Variants in AGAP1 observed in about 807,000 individuals in gnomAD.
AGAP1 encodes the protein ArfGAP with GTPase domain, ankyrin repeat and PH domain 1.
Under a neutral mutation model 105.3 loss-of-function variants are expected in AGAP1, and 29 were observed. That is an observed-to-expected ratio of 0.28 (90% CI 0.21 to 0.38). The LOEUF is 0.38. Among genes scored for constraint, AGAP1 ranks in the 10% least tolerant of loss-of-function variants. The probability of loss-of-function intolerance (pLI) is 1.00; values close to 1 mark genes in which losing one functional copy is unlikely to be tolerated. For missense variants in AGAP1, 998 were observed against 1,165.1 expected (o/e 0.86, Z 2.09); for synonymous variants, 509 against 485.9 (o/e 1.05, Z -0.63).
rs2059074478 is a variant in AGAP1, at chr2:236,092,065, A to G, written c.2115-28127A>G. On this transcript the variant is annotated intron_variant, in intron 16 of 17. Transcript: ENST00000304032. The surrounding 1 kb of genome is among the most constrained non-coding windows in gnomAD (Gnocchi z 4.7). ...ATTCCATTTATGTATCACTGTTGATATTACAGAATTACGGAGCTAGAGAAC... is the reference window on the plus strand; with the variant it reads ...ATTCCATTTATGTATCACTGTTGATGTTACAGAATTACGGAGCTAGAGAAC... Among the ~76,000 whole-genome samples the G allele has an allele frequency of 6.6e-6, 1 of 152,226 alleles. No individual in the cohort carries two copies. The highest frequency in any genetic ancestry group is 2.4e-5 in the African/African-American group (1 of 41,470).
Position 235,788,259 on chromosome 2 carries a change from G to A in AGAP1, c.674-9500G>A, listed in dbSNP as rs1307302767. On this transcript the variant is annotated intron_variant, in intron 6 of 17. Coordinates refer to ENST00000304032, the MANE Select transcript of AGAP1 (RefSeq NM_001037131.3). The surrounding 1 kb of genome is among the most constrained non-coding windows in gnomAD (Gnocchi z 6.0). Reference sequence around the variant, plus strand: ...TCCAGACACAGCTTAATTCCTTCACGCTGGAGTATGACTTGGATGTACAAA... The same window carrying A: ...TCCAGACACAGCTTAATTCCTTCACACTGGAGTATGACTTGGATGTACAAA... Among the ~76,000 whole-genome samples, 3 of 152,136 alleles carry A rather than the reference G, an allele frequency of 2.0e-5. No homozygotes were observed. The highest frequency in any genetic ancestry group is 7.2e-5 in the African/African-American group (3 of 41,404).
rs1390303432 is a variant in AGAP1 at position 235,845,980 on chromosome 2, C to T, written c.1051-37365C>T. On this transcript the variant is annotated intron_variant, in intron 9 of 17. Coordinates refer to ENST00000304032, the MANE Select transcript of AGAP1 (RefSeq NM_001037131.3). This position sits in a 1 kb window ranked among gnomAD's most constrained non-coding sequence, Gnocchi z 4.8. ...ACAGGGTTGAAATCTTTCCCAGGCC[C>T]TCCAGACCTCCTGGATGAGGCTTAA... Among the ~76,000 whole-genome samples the T allele has an allele frequency of 6.6e-6, 1 of 152,000 alleles. No individual in the cohort carries two copies. The highest frequency in any genetic ancestry group is 2.4e-5 in the African/African-American group (1 of 41,374).
At chr2:236,084,569 G>GA (rs2058874196) in intron 16 of AGAP1, among the ~76,000 whole-genome samples, 1 of 152,126 alleles carries the variant, frequency 6.6e-6, no homozygotes, top group African/African-American at 2.4e-5. Flanking sequence ...TTGAAACCTT[G>GA]AAACAAATCT....
At chr2:235,538,693 C>CT (rs1362487446) in intron 1 of AGAP1, among the ~76,000 whole-genome samples, 2 of 152,060 alleles carry the variant, frequency 1.3e-5, no homozygotes, top group African/African-American at 4.8e-5. Context: ...CTTGTAGAGC[C>CT]TCCCGTTCCC....
At chr2:235,710,187 C>T (rs1265111855) in intron 2 of AGAP1, among the ~76,000 whole-genome samples, 1 of 152,184 alleles carries the variant, frequency 6.6e-6, no homozygotes, top group African/African-American at 2.4e-5. Flanking sequence ...GGACTCCTCC[C>T]CACTGACCCC....
intron 6 of AGAP1, among the ~76,000 whole-genome samples, chr2:235,784,984 CA>C (rs746347693): frequency 6.6e-5 from 10 of 152,332 alleles, no homozygotes; most frequent in Non-Finnish European, 1.3e-4. Flanking sequence ...CTAATTGCAT[CA>C]CAATACATTG....
chr2:236,096,483 A>G lies in AGAP1; in HGVS notation c.2115-23709A>G, dbSNP rs2059194179. 6.6e-6 allele frequency among the ~76,000 whole-genome samples: 1 copy of G among 151,352 alleles called. No individual in the cohort carries two copies. Among genetic ancestry groups the G allele is most frequent in the Non-Finnish European group, 1.5e-5 (1 of 67,856 alleles). ...ACCACTGCACTCCAGCCTTGGGGAC[A>G]GAGTGAGCCTCCATCTCAAAAAAAA... On this transcript the variant is annotated intron_variant, in intron 16 of 17. Transcript: ENST00000304032. The surrounding 1 kb of genome is among the most constrained non-coding windows in gnomAD (Gnocchi z 4.4).
intron 12 of AGAP1, among the ~76,000 whole-genome samples, chr2:235,948,687 A>G (rs11685511): frequency 0.054 from 8,218 of 152,088 alleles, 755 homozygotes; most frequent in African/African-American, 0.19. Context: ...ATAGAGAAGG[A>G]TGGGCAGAGG....
chr2:235,947,638 C>G (rs184418704), intron 12 of AGAP1, among the ~76,000 whole-genome samples: 17 of 152,250 alleles, frequency 1.1e-4, no homozygotes, highest in African/African-American at 4.1e-4. Context: ...TCATCTCCCC[C>G]CGACCAGAAT....
At position 235,976,761 on chromosome 2, in the gene AGAP1, G is replaced by A. The variant is rs145093113; in HGVS notation, c.1645+8138G>A. ...AGCACAGGGCACCCCCAGCTGCCTG[G>A]AGGACCTCAGGGAGGTTCCCCAAAG... On this transcript the variant is annotated intron_variant, in intron 13 of 17. Transcript: ENST00000304032. This position sits in a 1 kb window ranked among gnomAD's most constrained non-coding sequence, Gnocchi z 4.5. Among the ~76,000 whole-genome samples the A allele has an allele frequency of 6.8e-3, 1,041 of 152,246 alleles. 11 individuals carry two copies. The highest frequency in any genetic ancestry group is 0.024 in the African/African-American group (1,001 of 41,526).
intron 3 of AGAP1, among the ~76,000 whole-genome samples, chr2:235,731,468 T>C (rs1951942557): frequency 6.6e-6 from 1 of 152,186 alleles, no homozygotes; most frequent in Non-Finnish European, 1.5e-5. Flanking sequence ...GGAAAAGACG[T>C]ATCCTGGATC....
chr2:236,004,754 A>C (rs538665576), intron 13 of AGAP1, among the ~76,000 whole-genome samples: 6 of 152,218 alleles, frequency 3.9e-5, no homozygotes, highest in African/African-American at 9.6e-5. Context: ...TCGAGTTGTT[A>C]AGCAGTTTAG....
At chr2:235,756,823 G>A (rs542161753) in intron 6 of AGAP1, among the ~76,000 whole-genome samples, 4 of 152,096 alleles carry the variant, frequency 2.6e-5, no homozygotes, top group Non-Finnish European at 4.4e-5. Flanking sequence ...AATGCCTGAC[G>A]AGCTGAGGTG....
Position 235,622,281 on chromosome 2 carries a change from T to G in AGAP1, c.164-86898T>G, listed in dbSNP as rs537660355. Reference sequence around the variant, plus strand: ...CACACCAGCCCTCCTGCTGGCTTTGTAGAATGCTCACAGTGGAATAGACTG... The same window carrying G: ...CACACCAGCCCTCCTGCTGGCTTTGGAGAATGCTCACAGTGGAATAGACTG... On this transcript the variant is annotated intron_variant, in intron 1 of 17. Coordinates refer to ENST00000304032, the MANE Select transcript of AGAP1 (RefSeq NM_001037131.3). This position sits in a 1 kb window ranked among gnomAD's most constrained non-coding sequence, Gnocchi z 5.0. 3.9e-5 allele frequency among the ~76,000 whole-genome samples: 6 copies of G among 152,306 alleles called. No homozygotes were observed. In the South Asian group the frequency reaches 1.0e-3, roughly 26 times the overall value.
intron 6 of AGAP1, among the ~76,000 whole-genome samples, chr2:235,785,907 T>TA (rs34115479): frequency 1.3e-5 from 2 of 151,888 alleles, no homozygotes; most frequent in Admixed American, 6.6e-5. Flanking sequence ...TTGGGCCTTT[T>TA]AAAAAAAACG....
At position 235,728,584 on chromosome 2, in the gene AGAP1, C is replaced by T. The variant is rs373483557; in HGVS notation, c.310+10940C>T. Among the ~76,000 whole-genome samples the T allele has an allele frequency of 5.7e-4, 86 of 152,212 alleles. No homozygotes were observed. The East Asian group carries it at 0.015, about 27-fold the overall frequency. On this transcript the variant is annotated intron_variant, in intron 3 of 17. Transcript: ENST00000304032. The surrounding 1 kb of genome is among the most constrained non-coding windows in gnomAD (Gnocchi z 4.3). ...GTGCTAGTGTGAGAGCTGCTGGTGC[C>T]TGCCCTGGGTCCGAAAGCTGGTGGT...
At chr2:235,629,232 G>A (rs372267435) in intron 1 of AGAP1, among the ~76,000 whole-genome samples, 3 of 150,674 alleles carry the variant, frequency 2.0e-5, no homozygotes, top group Non-Finnish European at 2.9e-5. Context: ...TGCAAATGCC[G>A]TTAATTCATT....
In AGAP1 at chr2:235,555,553, C is replaced by T. The variant is rs1008275184; in HGVS notation, c.163+60704C>T. Among the ~76,000 whole-genome samples, 6 of 152,232 alleles carry T rather than the reference C, an allele frequency of 3.9e-5. No individual in the cohort carries two copies. The highest frequency in any genetic ancestry group is 1.2e-4 in the African/African-American group (5 of 41,454). On this transcript the variant is annotated intron_variant, in intron 1 of 17. Coordinates refer to ENST00000304032, the MANE Select transcript of AGAP1 (RefSeq NM_001037131.3). This position sits in a 1 kb window ranked among gnomAD's most constrained non-coding sequence, Gnocchi z 5.1. ...TATGTCATGTTCCCTCTGCCACCGC[C>T]AGCTGTCCTGCAGCAGGAAGAGGTA...
intron 2 of AGAP1, among the ~76,000 whole-genome samples, chr2:235,709,936 G>GTGTA (rs1950760653): frequency 6.6e-6 from 1 of 152,136 alleles, no homozygotes; most frequent in East Asian, 1.9e-4. Flanking sequence ...TTATGTATCT[G>GTGTA]TGTATGTATG....
Sources: gnomAD v4.1 joint callset for allele counts (sites outside exome capture counted in the v4.1 genomes callset) on GRCh38, gnomAD v4.1.1 for gene constraint, Gnocchi (gnomAD v3.1) non-coding constraint, MANE v1.5 for transcripts, NCBI Gene and HGNC (gene_info 2026-07-23, HGNC 2026-07-21) for gene names.